Variants in AUTS2 observed in about 807,000 individuals in gnomAD.
AUTS2 encodes the protein autism susceptibility gene 2 protein.
In AUTS2, 17 loss-of-function variants were observed where a neutral mutation model predicts 112.4. The ratio of observed to expected loss-of-function variants is 0.15; its 90% CI spans 0.10 to 0.23. The LOEUF (loss-of-function observed/expected upper bound fraction) is 0.23, where lower values mean the gene tolerates loss of function less well. Ranked by LOEUF, AUTS2 falls within the 10% of genes least tolerant of loss-of-function variation. The pLI, the probability that AUTS2 is intolerant of heterozygous loss-of-function variation, is 1.00. For synonymous variants in AUTS2, 751 were observed against 702.7 expected (o/e 1.07, Z -1.09); for missense variants, 1,510 against 1,701.6 (o/e 0.89, Z 1.98).
At chr7:69,679,787 A>G (rs1296136948) in intron 1 of AUTS2, among the ~76,000 whole-genome samples, 1 of 152,230 alleles carries the variant, frequency 6.6e-6, no homozygotes, top group Non-Finnish European at 1.5e-5. Flanking sequence ...TGTCAGTTAC[A>G]TACATCATCT....
At chr7:69,927,044 G>T (rs1796045017) in intron 2 of AUTS2, among the ~76,000 whole-genome samples, 1 of 147,486 alleles carries the variant, frequency 6.8e-6, no homozygotes, top group Non-Finnish European at 1.5e-5. Context: ...GGGAGCAAAA[G>T]AGATAAAATG....
intron 4 of AUTS2, among the ~76,000 whole-genome samples, chr7:70,278,551 T>TG: frequency 6.6e-6 from 1 of 152,106 alleles, no homozygotes; most frequent in Admixed American, 6.6e-5. Context: ...CACTCCAGCC[T>TG]GGGTGACAGA....
At chr7:69,613,916 T>C (rs967201920) in intron 1 of AUTS2, among the ~76,000 whole-genome samples, 19 of 152,330 alleles carry the variant, frequency 1.2e-4, no homozygotes, top group African/African-American at 4.6e-4. Flanking sequence ...TGATTTCCTC[T>C]GTCATTGTTT....
chr7:70,412,104 A>G (rs572809273), intron 4 of AUTS2, among the ~76,000 whole-genome samples: 1 of 152,130 alleles, frequency 6.6e-6, no homozygotes, highest in African/African-American at 2.4e-5. Context: ...CATGGTGGCC[A>G]GACTGGTCTT....
chr7:70,665,641 A>G (rs943034208), intron 5 of AUTS2, among the ~76,000 whole-genome samples: 2 of 152,126 alleles, frequency 1.3e-5, no homozygotes. Context: ...CCATTTAGCT[A>G]CAGAAGCACT....
intron 1 of AUTS2, among the ~76,000 whole-genome samples, chr7:69,610,409 A>T (rs975135086): frequency 6.6e-6 from 1 of 152,186 alleles, no homozygotes; most frequent in Non-Finnish European, 1.5e-5. Context: ...TGTAAATTGG[A>T]TCAAATGCAC....
At chr7:70,441,943 G>A (rs1171032611) in intron 5 of AUTS2, among the ~76,000 whole-genome samples, 2 of 152,174 alleles carry the variant, frequency 1.3e-5, no homozygotes, top group Admixed American at 1.3e-4. Context: ...CACTCGGTAA[G>A]GTTTGTGCAC....
At chr7:70,637,047 C>G (rs559982016) in intron 5 of AUTS2, among the ~76,000 whole-genome samples, 1 of 152,266 alleles carries the variant, frequency 6.6e-6, no homozygotes, top group East Asian at 1.9e-4. Context: ...TGTGTTATGT[C>G]AGGTAGGTTG....
At chr7:69,828,247 G>A (rs1791341441) in intron 1 of AUTS2, among the ~76,000 whole-genome samples, 1 of 152,320 alleles carries the variant, frequency 6.6e-6, no homozygotes, top group Middle Eastern at 3.4e-3. Context: ...GGTCTGGCTG[G>A]CTGGACATGA....
rs971248591 is a variant in AUTS2, at chr7:70,704,413, C to G, written c.742+5793C>G. ...TTCTTTTAGTCAGATGTTCAAACAT[C>G]ACTCTGGTTACTTTTGAGCTCAGTG... On this transcript the variant is annotated intron_variant, in intron 6 of 18. Coordinates refer to ENST00000342771, the MANE Select transcript of AUTS2 (RefSeq NM_015570.4). Among the ~76,000 whole-genome samples the G allele has an allele frequency of 2.0e-5, 3 of 152,200 alleles. No homozygotes were observed. The East Asian group carries it at 5.8e-4, about 29-fold the overall frequency.
chr7:69,671,014 A>AT (rs1301061659), intron 1 of AUTS2, among the ~76,000 whole-genome samples: 2 of 152,206 alleles, frequency 1.3e-5, no homozygotes, highest in African/African-American at 4.8e-5. Flanking sequence ...AGGAAAACTA[A>AT]TTTTTTAGGT....
intron 1 of AUTS2, among the ~76,000 whole-genome samples, chr7:69,630,780 C>G (rs1408546865): frequency 6.6e-6 from 1 of 152,170 alleles, no homozygotes; most frequent in East Asian, 1.9e-4. Context: ...CTGGTTACCA[C>G]TCAAGACCTA....
In AUTS2 at chr7:70,701,058, C is replaced by T. The variant is rs576054875; in HGVS notation, c.742+2438C>T. Among the ~76,000 whole-genome samples the T allele has an allele frequency of 4.6e-5, 7 of 152,350 alleles. No homozygotes were observed. The East Asian group carries it at 1.3e-3, about 29-fold the overall frequency. ...GTGCAGGGGAGCTGACACGTGTATC[C>T]CTCCACCTCCAGATGTTTAAGTTAC... On this transcript the variant is annotated intron_variant, in intron 6 of 18. Coordinates refer to ENST00000342771, the MANE Select transcript of AUTS2 (RefSeq NM_015570.4).
At chr7:69,951,104 G>A (rs185107713) in intron 2 of AUTS2, among the ~76,000 whole-genome samples, 2 of 152,244 alleles carry the variant, frequency 1.3e-5, no homozygotes, top group East Asian at 3.9e-4. Context: ...ATTTCCAACA[G>A]TGATTGCTTT....
At chr7:70,444,234 A>T (rs1228057244) in intron 5 of AUTS2, among the ~76,000 whole-genome samples, 1 of 152,138 alleles carries the variant, frequency 6.6e-6, no homozygotes, top group Non-Finnish European at 1.5e-5. Flanking sequence ...GTGGCCTCTG[A>T]TAGAGTGTAA....
intron 1 of AUTS2, among the ~76,000 whole-genome samples, chr7:69,601,401 G>T (rs1015226646): frequency 6.6e-6 from 1 of 152,018 alleles, no homozygotes; most frequent in African/African-American, 2.4e-5. Flanking sequence ...TTAGATTGCT[G>T]GTTCTGTTTA....
At chr7:69,628,122 G>A (rs1215152046) in intron 1 of AUTS2, among the ~76,000 whole-genome samples, 1 of 152,114 alleles carries the variant, frequency 6.6e-6, no homozygotes, top group African/African-American at 2.4e-5. Context: ...AGATTACAAA[G>A]GGCATTTACA....
intron 1 of AUTS2, among the ~76,000 whole-genome samples, chr7:69,675,505 GTT>G (rs751222506): frequency 5.3e-5 from 6 of 114,204 alleles, no homozygotes; most frequent in Non-Finnish European, 7.0e-5. Flanking sequence ...TTGGCTGAGG[GTT>G]TTTTTTTTTT....
chr7:70,627,555 G>A (rs1231518818), intron 5 of AUTS2, among the ~76,000 whole-genome samples: 1 of 152,204 alleles, frequency 6.6e-6, no homozygotes. Flanking sequence ...ATCAGCACCA[G>A]CTCATTATTC....
Sources: gnomAD v4.1 joint callset for allele counts (sites outside exome capture counted in the v4.1 genomes callset) on GRCh38, gnomAD v4.1.1 for gene constraint, MANE v1.5 for transcripts, NCBI Gene and HGNC (gene_info 2026-07-23, HGNC 2026-07-21) for gene names.